The following DCLK1 variants were observed in gnomAD, a reference collection of about 807,000 sequenced individuals.
The protein encoded by DCLK1 is doublecortin like kinase 1, also known as serine/threonine-protein kinase DCLK1.
Under a neutral mutation model 86.2 loss-of-function variants are expected in DCLK1, and 16 were observed. The observed-to-expected ratio is 0.19, with a 90% CI of 0.13 to 0.28. The LOEUF is 0.28. Ranked by LOEUF, DCLK1 falls within the 10% of genes least tolerant of loss-of-function variation. The pLI is 1.00. For missense variants in DCLK1, 590 were observed against 940.2 expected, an observed-to-expected ratio of 0.63 and a Z score of 4.87; for synonymous variants, 369 against 370.5, an observed-to-expected ratio of 1.00 and a Z score of 0.05.
chr13:35,919,190 C>T (rs141632322), intron 4 of DCLK1, among the ~76,000 whole-genome samples: 57 of 152,072 alleles, frequency 3.7e-4, no homozygotes, highest in Non-Finnish European at 7.8e-4. Context: ...CCACACTCGG[C>T]CCCCAAGAGT....
At chr13:35,981,577 G>C (rs1041355144) in intron 3 of DCLK1, among the ~76,000 whole-genome samples, 1 of 152,108 alleles carries the variant, frequency 6.6e-6, no homozygotes, top group Non-Finnish European at 1.5e-5. Flanking sequence ...TCCACCATTA[G>C]AGTATCATAC....
chr13:35,834,313 T>G (rs1490219379), intron 8 of DCLK1, among the ~76,000 whole-genome samples: 1 of 152,204 alleles, frequency 6.6e-6, no homozygotes, highest in Non-Finnish European at 1.5e-5. Context: ...TTAATTAGTC[T>G]TATTTGTACA....
chr13:35,836,220 T>C (rs1011756639), intron 7 of DCLK1, 79 bp from the exon 8 acceptor site: 1 of 1,204,928 alleles, frequency 8.3e-7, no homozygotes, highest in Non-Finnish European at 1.2e-6. Context: ...AAAAGTATCA[T>C]CTAATTGACT....
At position 35,819,999 on chromosome 13, in the gene DCLK1, C is replaced by T. The variant is rs117391352; in HGVS notation, c.1554+2730G>A. ...AAGACCAGGCAGTGGAAGAGTGAACCGCTTGGTTTTGAACTTTTGTCCATC... is the reference window on the plus strand; with the variant it reads ...AAGACCAGGCAGTGGAAGAGTGAACTGCTTGGTTTTGAACTTTTGTCCATC... On this transcript the variant is annotated intron_variant, in intron 11 of 16. Transcript: ENST00000360631. 1.4e-3 allele frequency among the ~76,000 whole-genome samples: 218 copies of T among 152,160 alleles called. 6 individuals are homozygous for T. In the East Asian group the frequency reaches 0.04, roughly 28 times the overall value.
chr13:36,035,329 T>C (rs1339268491), intron 3 of DCLK1, among the ~76,000 whole-genome samples: 1 of 152,174 alleles, frequency 6.6e-6, no homozygotes, highest in African/African-American at 2.4e-5. Flanking sequence ...CCTCCTAAGA[T>C]TGAAAACTTA....
chr13:36,058,513 G>T (rs1883418478), intron 3 of DCLK1, among the ~76,000 whole-genome samples: 1 of 152,148 alleles, frequency 6.6e-6, no homozygotes, highest in Non-Finnish European at 1.5e-5. Context: ...TAGTGAGGAA[G>T]GATGAAGCAA....
At chr13:36,024,965 T>G (rs958109058) in intron 3 of DCLK1, among the ~76,000 whole-genome samples, 8 of 151,052 alleles carry the variant, frequency 5.3e-5, no homozygotes, top group African/African-American at 1.7e-4. Context: ...TTTTCTTTTC[T>G]TTCTTTTTTT....
At chr13:36,015,506 T>C (rs979853793) in intron 3 of DCLK1, among the ~76,000 whole-genome samples, 1 of 152,218 alleles carries the variant, frequency 6.6e-6, no homozygotes, top group Non-Finnish European at 1.5e-5. Context: ...CTACCAATCT[T>C]ACCATAAGTT....
chr13:35,871,630 G>A (rs1372826109), intron 4 of DCLK1, among the ~76,000 whole-genome samples: 1 of 151,866 alleles, frequency 6.6e-6, no homozygotes, highest in Non-Finnish European at 1.5e-5. Flanking sequence ...GAGGTGTTTT[G>A]TTGGGTTTCT....
At chr13:36,017,503 C>T (rs897192006) in intron 3 of DCLK1, among the ~76,000 whole-genome samples, 5 of 152,090 alleles carry the variant, frequency 3.3e-5, no homozygotes, top group African/African-American at 9.7e-5. Flanking sequence ...ACGTATGACT[C>T]GATAGCTAAT....
chr13:36,091,804 C>T (rs770121511), intron 3 of DCLK1, among the ~76,000 whole-genome samples: 65 of 152,298 alleles, frequency 4.3e-4, no homozygotes, highest in Admixed American at 9.2e-4. Flanking sequence ...CCAACGATAG[C>T]TATCCATTTC....
At chr13:35,794,514 G>A (rs754051460) in intron 15 of DCLK1, among the ~76,000 whole-genome samples, 3 of 152,144 alleles carry the variant, frequency 2.0e-5, no homozygotes, top group Non-Finnish European at 1.5e-5. Flanking sequence ...CCTTTTGCAC[G>A]AGCTGGTCCC....
intron 2 of DCLK1, among the ~76,000 whole-genome samples, chr13:36,121,781 C>T (rs1886002408): frequency 6.6e-6 from 1 of 152,126 alleles, no homozygotes; most frequent in African/African-American, 2.4e-5. Flanking sequence ...ATGTGTCCTT[C>T]ACATGCACTG....
intron 5 of DCLK1, among the ~76,000 whole-genome samples, chr13:35,866,073 C>T (rs1274555894): frequency 2.0e-5 from 3 of 152,092 alleles, no homozygotes; most frequent in East Asian, 1.9e-4. Flanking sequence ...CAGAAGTCCC[C>T]GGTGCCAGCC....
intron 3 of DCLK1, among the ~76,000 whole-genome samples, chr13:36,028,102 G>A (rs920359104): frequency 2.1e-4 from 32 of 152,176 alleles, no homozygotes; most frequent in African/African-American, 7.0e-4. Flanking sequence ...TGTTTTAGAA[G>A]ACTTGCTTTT....
intron 4 of DCLK1, among the ~76,000 whole-genome samples, chr13:35,881,358 C>T (rs935043155): frequency 1.3e-5 from 2 of 152,088 alleles, no homozygotes; most frequent in South Asian, 4.1e-4. Flanking sequence ...GTAGAGTGCC[C>T]CACTTCTGGT....
intron 16 of DCLK1, among the ~76,000 whole-genome samples, chr13:35,787,057 C>T (rs2086636014): frequency 6.6e-6 from 1 of 150,776 alleles, no homozygotes; most frequent in Non-Finnish European, 1.5e-5. Flanking sequence ...CCAGGAGTAA[C>T]AATTGGGGCT....
At chr13:35,870,613 A>C (rs1276248430) in intron 5 of DCLK1, among the ~76,000 whole-genome samples, 1 of 152,234 alleles carries the variant, frequency 6.6e-6, no homozygotes, top group Non-Finnish European at 1.5e-5. Context: ...AGACAAACAA[A>C]GAAGACACTT....
intron 2 of DCLK1, among the ~76,000 whole-genome samples, chr13:36,124,934 G>A (rs1016129124): frequency 3.9e-5 from 6 of 152,052 alleles, no homozygotes; most frequent in Non-Finnish European, 7.3e-5. Flanking sequence ...TTTAATTGGC[G>A]ATGATTTCTA....
Sources: allele counts gnomAD v4.1 joint callset (sites outside exome capture counted in the v4.1 genomes callset), GRCh38; gene constraint gnomAD v4.1.1; transcripts MANE v1.5; gene names NCBI Gene and HGNC (gene_info 2026-07-23, HGNC 2026-07-21).